The following PDE4D variants were observed in gnomAD, a reference collection of about 807,000 sequenced individuals.
PDE4D encodes 3',5'-cyclic-AMP phosphodiesterase 4D.
PDE4D carries 24 observed loss-of-function variants against 87.4 expected under a neutral mutation model. The observed-to-expected ratio is 0.27, with a 90% CI of 0.20 to 0.39. The LOEUF (loss-of-function observed/expected upper bound fraction) is 0.39. Among genes scored for constraint, PDE4D ranks in the 10% least tolerant of loss-of-function variants. The probability of loss-of-function intolerance (pLI) is 1.00; values close to 1 mark genes in which losing one functional copy is unlikely to be tolerated. For missense variants in PDE4D, 714 were observed against 1,041.0 expected (o/e 0.69, Z 4.32); for synonymous variants, 384 against 383.2 (o/e 1.00, Z -0.02).
At chr5:60,394,214 A>G (rs1762732555) in intron 1 of PDE4D, among the ~76,000 whole-genome samples, 1 of 152,210 alleles carries the variant, frequency 6.6e-6, no homozygotes, top group Non-Finnish European at 1.5e-5. Context: ...ACAAACTAAC[A>G]CATACAAAGA....
At chr5:59,601,605 G>C (rs1827515229) in intron 1 of PDE4D, among the ~76,000 whole-genome samples, 1 of 151,976 alleles carries the variant, frequency 6.6e-6, no homozygotes, top group African/African-American at 2.4e-5. Flanking sequence ...ATGTTTGTGT[G>C]TTCCAGCTCA....
Position 59,794,161 on chromosome 5 carries a change from A to G in PDE4D, c.455+99007T>C, listed in dbSNP as rs987427119. On this transcript the variant is annotated intron_variant, in intron 1 of 14. Coordinates refer to ENST00000340635, the MANE Select transcript of PDE4D (RefSeq NM_001104631.2). ...CGCACACACACACACACACACACACACACACACACACACACACACAGACAA... is the reference window on the plus strand; with the variant it reads ...CGCACACACACACACACACACACACGCACACACACACACACACACAGACAA... Among the ~76,000 whole-genome samples the G allele has an allele frequency of 3.7e-3, 556 of 151,736 alleles. 9 individuals carry two copies. Among genetic ancestry groups the G allele is most frequent in the African/African-American group, 0.013 (531 of 41,396 alleles).
At chr5:60,478,645 A>C (rs1191949536) in intron 1 of PDE4D, among the ~76,000 whole-genome samples, 1 of 152,134 alleles carries the variant, frequency 6.6e-6, no homozygotes, top group African/African-American at 2.4e-5. Flanking sequence ...TTCCCCTCCA[A>C]GGTTATCTTT....
At chr5:59,494,239 C>T (rs1806730976) in intron 1 of PDE4D, among the ~76,000 whole-genome samples, 1 of 152,132 alleles carries the variant, frequency 6.6e-6, no homozygotes, top group Admixed American at 6.5e-5. Flanking sequence ...TGTGAATTTG[C>T]AATGTGTCAG....
intron 1 of PDE4D, among the ~76,000 whole-genome samples, chr5:59,700,334 C>T (rs1456387566): frequency 2.0e-5 from 3 of 152,176 alleles, no homozygotes; most frequent in South Asian, 4.1e-4. Flanking sequence ...ATACCTATGA[C>T]ACTTTTATTT....
At chr5:59,903,293 C>T (rs867810062) in intron 3 of PDE4D, among the ~76,000 whole-genome samples, 42 of 151,832 alleles carry the variant, frequency 2.8e-4, no homozygotes, top group Middle Eastern at 3.4e-3. Context: ...GATTAGGAAG[C>T]GGGGTTTGCA....
intron 1 of PDE4D, among the ~76,000 whole-genome samples, chr5:59,510,110 C>T (rs1810026942): frequency 6.7e-6 from 1 of 150,226 alleles, no homozygotes; most frequent in Non-Finnish European, 1.5e-5. Context: ...AAACTCATTC[C>T]TTTGGAAAAC....
chr5:59,356,391 A>G (rs1413407854), intron 1 of PDE4D, among the ~76,000 whole-genome samples: 3 of 152,208 alleles, frequency 2.0e-5, no homozygotes, highest in African/African-American at 7.2e-5. Flanking sequence ...AACACTTATG[A>G]AGAATAATGT....
At chr5:59,378,535 G>GA (rs1330469810) in intron 1 of PDE4D, among the ~76,000 whole-genome samples, 2 of 152,132 alleles carry the variant, frequency 1.3e-5, no homozygotes, top group Non-Finnish European at 2.9e-5. Context: ...AAAAGTGTTA[G>GA]AAAAATACAT....
chr5:59,363,074 C>A (rs1422505562), intron 1 of PDE4D, among the ~76,000 whole-genome samples: 1 of 152,158 alleles, frequency 6.6e-6, no homozygotes, highest in East Asian at 1.9e-4. Context: ...GTTAACTTTT[C>A]TAATTCCTCA....
At chr5:60,187,233 G>A (rs1465381530) in intron 1 of PDE4D, among the ~76,000 whole-genome samples, 2 of 152,134 alleles carry the variant, frequency 1.3e-5, no homozygotes, top group Non-Finnish European at 2.9e-5. Context: ...TTGAAGGGAG[G>A]AGCTGATCCA....
chr5:60,056,602 T>C (rs1220638724), intron 2 of PDE4D, among the ~76,000 whole-genome samples: 1 of 152,036 alleles, frequency 6.6e-6, no homozygotes, highest in Non-Finnish European at 1.5e-5. Flanking sequence ...CGTATATCTA[T>C]AATTTCAAAG....
chr5:59,350,398 A>G (rs771292694), intron 1 of PDE4D, among the ~76,000 whole-genome samples: 1 of 152,194 alleles, frequency 6.6e-6, no homozygotes, highest in Non-Finnish European at 1.5e-5. Flanking sequence ...ATCAAGTTGC[A>G]TGACCCTGGG....
intron 1 of PDE4D, among the ~76,000 whole-genome samples, chr5:59,562,178 T>A (rs1301490871): frequency 1.3e-5 from 2 of 152,184 alleles, no homozygotes; most frequent in East Asian, 3.8e-4. Flanking sequence ...TGCATCTAAG[T>A]GTCTCCTTAC....
intron 5 of PDE4D, among the ~76,000 whole-genome samples, chr5:59,116,297 A>G (rs1299202788): frequency 6.6e-6 from 1 of 152,128 alleles, no homozygotes; most frequent in Non-Finnish European, 1.5e-5. Flanking sequence ...CATCCCTTGG[A>G]TTGTTTTCTA....
chr5:59,674,116 A>C (rs967529961), intron 1 of PDE4D, among the ~76,000 whole-genome samples: 2 of 152,204 alleles, frequency 1.3e-5, no homozygotes, highest in African/African-American at 4.8e-5. Context: ...AGATAAAATA[A>C]ATAGCATACT....
At chr5:59,848,975 A>C (rs2152715614) in intron 1 of PDE4D, among the ~76,000 whole-genome samples, 1 of 152,178 alleles carries the variant, frequency 6.6e-6, no homozygotes, top group Admixed American at 6.5e-5. Context: ...CAGGCACACA[A>C]GGCTGCTCAA....
At chr5:60,335,487 T>C (rs1757676991) in intron 1 of PDE4D, among the ~76,000 whole-genome samples, 1 of 152,212 alleles carries the variant, frequency 6.6e-6, no homozygotes, top group Admixed American at 6.5e-5. Flanking sequence ...AAAGACACTC[T>C]TGAGCAGTAG....
intron 1 of PDE4D, among the ~76,000 whole-genome samples, chr5:60,427,717 A>C (rs1175887495): frequency 6.6e-6 from 1 of 152,224 alleles, no homozygotes; most frequent in Non-Finnish European, 1.5e-5. Context: ...AAAAGTGAAA[A>C]CACTCTAAGG....
Sources: gnomAD v4.1 joint callset for allele counts (sites outside exome capture counted in the v4.1 genomes callset) on GRCh38, gnomAD v4.1.1 for gene constraint, MANE v1.5 for transcripts, NCBI Gene and HGNC (gene_info 2026-07-23, HGNC 2026-07-21) for gene names.